ZNF573: variants seen among roughly 807,000 people sequenced by gnomAD.
ZNF573 encodes zinc finger protein 573.
ZNF573 carries 41 observed loss-of-function variants against 57.4 expected under a neutral mutation model. The ratio of observed to expected loss-of-function variants is 0.71; its 90% CI spans 0.56 to 0.93. The LOEUF (loss-of-function observed/expected upper bound fraction) is 0.93. ZNF573 is among the 40% of genes least tolerant of loss of function. ZNF573 has a pLI of 0.00. For missense variants in ZNF573, 730 were observed against 794.8 expected (o/e 0.92, Z 0.98); for synonymous variants, 249 against 261.0 (o/e 0.95, Z 0.44).
chr19:37,772,496 T>G (rs981887910), intron 2 of ZNF573, among the ~76,000 whole-genome samples: 1 of 152,194 alleles, frequency 6.6e-6, no homozygotes, highest in East Asian at 1.9e-4. Flanking sequence ...AGTCTCAAGT[T>G]ACATCATTAT....
At chr19:37,743,325 A>AG in intron 4 of ZNF573, among the ~76,000 whole-genome samples, 1 of 151,338 alleles carries the variant, frequency 6.6e-6, no homozygotes, top group Non-Finnish European at 1.5e-5. Flanking sequence ...ATCTCAAAAA[A>AG]AAAAAAAAAA....
At chr19:37,777,210 C>T (rs1190494387) in intron 1 of ZNF573, among the ~76,000 whole-genome samples, 8 of 151,980 alleles carry the variant, frequency 5.3e-5, no homozygotes, top group Non-Finnish European at 1.2e-4. Flanking sequence ...ACAGGAGTCT[C>T]ACCATGTTGG....
At position 37,769,985 on chromosome 19, in the gene ZNF573, G is replaced by C. The variant is rs763650255; in HGVS notation, c.295+20C>G. 168 of 1,543,916 alleles carry C rather than the reference G, an allele frequency of 1.1e-4. No individual in the cohort carries two copies. The highest frequency in any genetic ancestry group is 3.3e-4 in the Middle Eastern group (2 of 6,000). On this transcript the variant is annotated intron_variant, in intron 4 of 4. Coordinates refer to ENST00000536220, the MANE Select transcript of ZNF573 (RefSeq NM_001172690.2). ...ACATGGGCTGTGGCCGGCCCTGATG[G>C]TGTCCCCTGCCTTCCTTACCTGTGA...
chr19:37,752,790 G>A (rs1211426647), intron 4 of ZNF573, among the ~76,000 whole-genome samples: 2 of 151,988 alleles, frequency 1.3e-5, no homozygotes. Flanking sequence ...ACATGCCACC[G>A]TGCCTGGCTA....
rs2045281849 is a variant in ZNF573 at position 37,738,460 on chromosome 19, T to A, written c.*32A>T. 6.7e-7 allele frequency: 1 copy of A among 1,498,636 alleles called. No individual in the cohort carries two copies. Among genetic ancestry groups the A allele is most frequent in the African/African-American group, 1.4e-5 (1 of 71,520 alleles). 92.8% of individuals were successfully genotyped at this position (1,498,636 alleles called of 1,614,324 possible). A position where few individuals can be genotyped will look rare whatever the true frequency, so the allele number is the denominator to read the frequency against. ...TTTCTCACCAGTGTGGGCTGTCTGATGATGAATGGCGCGCTCGTACTCTTT... is the reference window on the plus strand; with the variant it reads ...TTTCTCACCAGTGTGGGCTGTCTGAAGATGAATGGCGCGCTCGTACTCTTT... On this transcript the variant is annotated 3_prime_UTR_variant, in exon 5 of 5. Transcript: ENST00000536220.
At chr19:37,750,330 G>T (rs908143301) in intron 4 of ZNF573, among the ~76,000 whole-genome samples, 1 of 151,984 alleles carries the variant, frequency 6.6e-6, no homozygotes, top group African/African-American at 2.4e-5. Context: ...GTGATCTGCC[G>T]GCCTAGGCCT....
chr19:37,758,299 GT>G (rs111991317), intron 4 of ZNF573, among the ~76,000 whole-genome samples: 67,408 of 94,704 alleles, frequency 0.71, 25,983 homozygotes, highest in Middle Eastern at 0.85. Flanking sequence ...TGTGGAGCAC[GT>G]TTTTTAAAAA....
chr19:37,759,430 T>C (rs373925913), intron 4 of ZNF573, among the ~76,000 whole-genome samples: 2 of 152,314 alleles, frequency 1.3e-5, no homozygotes, highest in Admixed American at 6.5e-5. Context: ...AATTTCTTTT[T>C]AAAAATTATA....
At chr19:37,744,831 G>C (rs1221369966) in intron 4 of ZNF573, among the ~76,000 whole-genome samples, 1 of 151,784 alleles carries the variant, frequency 6.6e-6, no homozygotes, top group African/African-American at 2.4e-5. Flanking sequence ...TCCTAGGTTG[G>C]AGTGCAGTGG....
At chr19:37,742,199 T>A (rs776348330) in intron 4 of ZNF573, among the ~76,000 whole-genome samples, 5 of 152,198 alleles carry the variant, frequency 3.3e-5, no homozygotes, top group Non-Finnish European at 5.9e-5. Flanking sequence ...TGGAAAAAGA[T>A]TCCATCCTAA....
Position 37,739,765 on chromosome 19 carries a change from C to T in ZNF573, c.725G>A (p.Gly242Asp). The change falls in exon 5 of 5, where the codon GGT becomes GAT. Residue 242 changes from glycine (G) to aspartate (D), a missense_variant. Coordinates refer to ENST00000536220, the MANE Select transcript of ZNF573 (RefSeq NM_001172690.2). ...CTCCTGACATTCATACGGCTTCCCA[C>T]CAGTGTGAATTCTCTCATGTTGAAC... ...HIVQHERIHTGGKPYECQECG... is the reference protein window; with the variant it reads ...HIVQHERIHTDGKPYECQECG... 3.1e-6 allele frequency: 5 copies of T among 1,614,080 alleles called. No individual in the cohort carries two copies. The highest frequency in any genetic ancestry group is 1.1e-5 in the South Asian group (1 of 91,082).
intron 4 of ZNF573, among the ~76,000 whole-genome samples, chr19:37,758,240 TATATATATATATATATATATATATAA>T (rs1351973935): frequency 8.6e-5 from 6 of 69,650 alleles, no homozygotes; most frequent in Admixed American, 1.5e-4. Context: ...TATATATATA[TATATATATATATATATATATATATAA>T]AATTACCCAG....
intron 3 of ZNF573, 101 bp from the exon 4 acceptor site, chr19:37,770,198 A>G (rs1421618804): frequency 3.4e-6 from 3 of 880,304 alleles, no homozygotes; most frequent in Non-Finnish European, 5.1e-6. Flanking sequence ...GACTTCAAAT[A>G]AAAGAGGGGT....
At chr19:37,771,798 G>A in intron 2 of ZNF573, 102 bp from the exon 3 acceptor site, 2 of 1,230,552 alleles carry the variant, frequency 1.6e-6, no homozygotes, top group Non-Finnish European at 2.2e-6. Context: ...AGTATATGTG[G>A]CTAATGACTG....
chr19:37,764,835 C>A (rs971125945), intron 4 of ZNF573, among the ~76,000 whole-genome samples: 1 of 151,762 alleles, frequency 6.6e-6, no homozygotes, highest in Admixed American at 6.6e-5. Flanking sequence ...GATCTCCTGA[C>A]CTCGTGATCC....
At chr19:37,760,777 G>A (rs1443105645) in intron 4 of ZNF573, among the ~76,000 whole-genome samples, 6 of 151,798 alleles carry the variant, frequency 4.0e-5, no homozygotes, top group Middle Eastern at 3.4e-3. Context: ...AGCTGAGATC[G>A]CGCCATTGCA....
intron 1 of ZNF573, among the ~76,000 whole-genome samples, chr19:37,777,168 A>T (rs186824263): frequency 3.4e-4 from 51 of 152,230 alleles, no homozygotes; most frequent in Non-Finnish European, 6.9e-4. Context: ...GTCATTATAT[A>T]AAATTATTTT....
chr19:37,739,937 T>C lies in ZNF573; in HGVS notation c.553A>G (p.Thr185Ala), dbSNP rs1294045030. 1.2e-6 allele frequency: 2 copies of C among 1,614,190 alleles called. No individual in the cohort carries two copies. Among genetic ancestry groups the C allele is most frequent in the East Asian group, 2.2e-5 (1 of 44,888 alleles). ...GTACATTCATAGGGTTTCTCACCAG[T>C]ATGAAATCTTTGATGTAGAGTAAGT... ...YQLTLHQRFH[T>A]GEKPYECTEC... Residue 185 changes from threonine (T) to alanine (A), a missense_variant, in exon 5 of 5, where the codon ACT becomes GCT. Thr to Ala is a moderately conservative substitution (Grantham distance 58). Coordinates refer to ENST00000536220, the MANE Select transcript of ZNF573 (RefSeq NM_001172690.2).
intron 4 of ZNF573, chr19:37,758,904 T>C: frequency 4.7e-6 from 1 of 210,800 alleles, no homozygotes; most frequent in Non-Finnish European, 8.2e-6. Context: ...TAATACAAAG[T>C]ACCAGAATAA....
Sources: allele counts gnomAD v4.1 joint callset (sites outside exome capture counted in the v4.1 genomes callset), GRCh38; gene constraint gnomAD v4.1.1; transcripts MANE v1.5; gene names NCBI Gene and HGNC (gene_info 2026-07-23, HGNC 2026-07-21).